Variants in TAF3 observed in about 807,000 individuals in gnomAD.
TAF3 encodes the protein TATA-box binding protein associated factor 3, also known as transcription initiation factor TFIID subunit 3.
A neutral mutation model predicts 80.6 loss-of-function variants in TAF3; 7 were observed. The observed-to-expected ratio is 0.09, with a 90% CI of 0.05 to 0.16. The LOEUF (loss-of-function observed/expected upper bound fraction) is 0.16. Among genes scored for constraint, TAF3 ranks in the 10% least tolerant of loss-of-function variants. The probability of loss-of-function intolerance (pLI) is 1.00; values close to 1 mark genes in which losing one functional copy is unlikely to be tolerated. For missense variants in TAF3, 921 were observed against 1,140.2 expected, an observed-to-expected ratio of 0.81 and a Z score of 2.77; for synonymous variants, 444 against 446.1, an observed-to-expected ratio of 1.00 and a Z score of 0.06.
intron 2 of TAF3, among the ~76,000 whole-genome samples, chr10:7,834,898 T>C (rs1000338804): frequency 1.3e-5 from 2 of 152,226 alleles, no homozygotes; most frequent in African/African-American, 4.8e-5. Flanking sequence ...ATAGCTACTG[T>C]CTTGAGTTCT....
chr10:7,873,953 C>G (rs190225773), intron 2 of TAF3, among the ~76,000 whole-genome samples: 2 of 152,098 alleles, frequency 1.3e-5, no homozygotes, highest in Non-Finnish European at 2.9e-5. Context: ...TGTTTCCCCT[C>G]GAGAGGCCAT....
chr10:7,897,660 CTT>C (rs1444800839), intron 2 of TAF3, among the ~76,000 whole-genome samples: 2 of 148,520 alleles, frequency 1.3e-5, no homozygotes, highest in African/African-American at 4.9e-5. Context: ...CTCTCTCTCT[CTT>C]TCTTTCTTTC....
chr10:7,900,129 G>A (rs1837544696), intron 2 of TAF3, among the ~76,000 whole-genome samples: 1 of 152,170 alleles, frequency 6.6e-6, no homozygotes, highest in Non-Finnish European at 1.5e-5. Context: ...TCCACTGACT[G>A]CTACAACTTA....
intron 2 of TAF3, among the ~76,000 whole-genome samples, chr10:7,917,050 T>G (rs542519751): frequency 1.2e-4 from 19 of 152,356 alleles, no homozygotes; most frequent in African/African-American, 4.6e-4. Context: ...GAATATTCAT[T>G]GAGAACATCT....
chr10:8,015,591 T>C lies in TAF3; in HGVS notation c.*840T>C, dbSNP rs1588352646. The C allele has an allele frequency of 6.6e-6, 1 of 152,278 alleles. No individual in the cohort carries two copies. The highest frequency in any genetic ancestry group is 2.1e-4 in the South Asian group (1 of 4,828). 9.4% of individuals were successfully genotyped at this position (152,278 alleles called of 1,614,324 possible). A position where few individuals can be genotyped will look rare whatever the true frequency, so the allele number is the denominator to read the frequency against. ...TGTTTAATTCTGGCTTTCTCTGAAA[T>C]CCACTGTGATTTCAGCCAGGTCTGT... On this transcript the variant is annotated 3_prime_UTR_variant, in exon 7 of 7. Coordinates refer to ENST00000344293, the MANE Select transcript of TAF3 (RefSeq NM_031923.4).
intron 5 of TAF3, among the ~76,000 whole-genome samples, chr10:8,013,524 T>G (rs1832073516): frequency 6.6e-6 from 1 of 152,242 alleles, no homozygotes; most frequent in African/African-American, 2.4e-5. Flanking sequence ...TGCCTTATCA[T>G]TGAACACTTA....
At chr10:7,981,172 T>C (rs1159909872) in intron 4 of TAF3, among the ~76,000 whole-genome samples, 1 of 152,128 alleles carries the variant, frequency 6.6e-6, no homozygotes, top group Non-Finnish European at 1.5e-5. Context: ...GAATATAGGG[T>C]AGAGGAATAA....
chr10:7,830,937 A>C (rs1055524800), intron 2 of TAF3, among the ~76,000 whole-genome samples: 1 of 152,182 alleles, frequency 6.6e-6, no homozygotes, highest in African/African-American at 2.4e-5. Context: ...GTGTTTCTCA[A>C]AATTGGCAGC....
At chr10:7,996,067 G>A (rs1215667029) in intron 4 of TAF3, among the ~76,000 whole-genome samples, 1 of 152,134 alleles carries the variant, frequency 6.6e-6, no homozygotes, top group African/African-American at 2.4e-5. Context: ...TCGAACACCT[G>A]GTGTGTTAGT....
At chr10:7,869,564 A>G (rs1436028630) in intron 2 of TAF3, among the ~76,000 whole-genome samples, 1 of 152,236 alleles carries the variant, frequency 6.6e-6, no homozygotes, top group Admixed American at 6.5e-5. Context: ...CACTATTTTA[A>G]CAGTGCTTTT....
chr10:7,856,874 A>G (rs1837085592), intron 2 of TAF3, among the ~76,000 whole-genome samples: 2 of 151,980 alleles, frequency 1.3e-5, no homozygotes, highest in South Asian at 4.1e-4. Flanking sequence ...AAAAAAAAAA[A>G]AAAAAAGCAG....
At chr10:7,968,185 C>T (rs182419807) in intron 3 of TAF3, among the ~76,000 whole-genome samples, 3 of 152,124 alleles carry the variant, frequency 2.0e-5, no homozygotes, top group South Asian at 4.1e-4. Context: ...ATGTAAGGCA[C>T]CAAAGGTTAA....
chr10:7,906,064 G>A (rs925311860), intron 2 of TAF3, among the ~76,000 whole-genome samples: 1 of 152,202 alleles, frequency 6.6e-6, no homozygotes, highest in Non-Finnish European at 1.5e-5. Flanking sequence ...AAAAGTGCTC[G>A]TGGATAACAC....
intron 2 of TAF3, among the ~76,000 whole-genome samples, chr10:7,832,793 G>C (rs1836814391): frequency 6.6e-6 from 1 of 152,118 alleles, no homozygotes; most frequent in Non-Finnish European, 1.5e-5. Context: ...CAAGTGATCT[G>C]CCCACCTCAG....
At chr10:7,986,805 GAA>G (rs1401268364) in intron 4 of TAF3, among the ~76,000 whole-genome samples, 1 of 151,874 alleles carries the variant, frequency 6.6e-6, no homozygotes. Context: ...AGAAACAGGG[GAA>G]AAAAGGATAT....
chr10:7,923,328 T>C (rs1392861560), intron 2 of TAF3, among the ~76,000 whole-genome samples: 1 of 152,112 alleles, frequency 6.6e-6, no homozygotes, highest in East Asian at 1.9e-4. Flanking sequence ...TCTGAAATAA[T>C]ATAAATGTGT....
At chr10:7,898,345 G>A (rs1461221113) in intron 2 of TAF3, among the ~76,000 whole-genome samples, 1 of 151,914 alleles carries the variant, frequency 6.6e-6, no homozygotes, top group African/African-American at 2.4e-5. Flanking sequence ...TCAGGAGTTC[G>A]ACACCAGCCT....
At chr10:7,925,797 T>TCAA (rs1479490696) in intron 2 of TAF3, among the ~76,000 whole-genome samples, 2 of 34,770 alleles carry the variant, frequency 5.8e-5, no homozygotes, top group Non-Finnish European at 1.5e-4. Flanking sequence ...AAACTCCATC[T>TCAA]CAAAAAAAAA....
intron 2 of TAF3, among the ~76,000 whole-genome samples, chr10:7,912,470 T>C (rs1837665762): frequency 1.3e-5 from 2 of 152,178 alleles, no homozygotes; most frequent in African/African-American, 4.8e-5. Context: ...GGATACTTTT[T>C]TTTTTCTGGG....
Sources: gnomAD v4.1 joint callset for allele counts (sites outside exome capture counted in the v4.1 genomes callset) on GRCh38, gnomAD v4.1.1 for gene constraint, MANE v1.5 for transcripts, NCBI Gene and HGNC (gene_info 2026-07-23, HGNC 2026-07-21) for gene names.